The following NWD2 variants were observed in gnomAD, a reference collection of about 807,000 sequenced individuals.
The protein encoded by NWD2 is NACHT and WD repeat domain-containing protein 2.
A neutral mutation model predicts 132.7 loss-of-function variants in NWD2; 37 were observed. That is an observed-to-expected ratio of 0.28 (90% CI 0.21 to 0.37). The LOEUF (loss-of-function observed/expected upper bound fraction) is 0.37, where lower values mean the gene tolerates loss of function less well. NWD2 is among the 10% of genes least tolerant of loss of function. The pLI is 1.00. For synonymous variants in NWD2, 705 were observed against 803.0 expected, an observed-to-expected ratio of 0.88 and a Z score of 2.06; for missense variants, 1,592 against 2,122.4, an observed-to-expected ratio of 0.75 and a Z score of 4.91.
chr4:37,333,430 A>G (rs1298142557), intron 2 of NWD2, among the ~76,000 whole-genome samples: 1 of 152,218 alleles, frequency 6.6e-6, no homozygotes, highest in Non-Finnish European at 1.5e-5. Context: ...GAAGATAACA[A>G]GATCTCTGCC....
At chr4:37,397,656 G>A (rs1005144862) in intron 3 of NWD2, among the ~76,000 whole-genome samples, 4 of 152,112 alleles carry the variant, frequency 2.6e-5, no homozygotes, top group East Asian at 1.9e-4. Context: ...ATTCCCCAGC[G>A]TTCTCAGGTT....
chr4:37,335,433 T>C (rs939263781), intron 2 of NWD2, among the ~76,000 whole-genome samples: 1 of 152,128 alleles, frequency 6.6e-6, no homozygotes, highest in African/African-American at 2.4e-5. Flanking sequence ...ATGTCTTATT[T>C]GTTTTAATTA....
rs1445588940 is a variant in NWD2 at position 37,446,422 on chromosome 4, G to T, written c.4434G>T (p.Gly1478=). Residue 1478 remains glycine, a synonymous_variant, in exon 7 of 7, where the codon GGG becomes GGT. Coordinates refer to ENST00000309447, the MANE Select transcript of NWD2 (RefSeq NM_001144990.2). The surrounding 1 kb of genome is among the most constrained non-coding windows in gnomAD (Gnocchi z 6.7). The stretch of plus-strand genomic sequence containing the variant: ...CCAAGAAATTTTGCTGTGAAGATGG[G>T]ACCACCATCGTGAATTTTAAATTAA... The part of the protein sequence containing the change: ...SITKKFCCED[G]TTIVNFKLIP... 7 of 1,551,724 alleles carry T rather than the reference G, an allele frequency of 4.5e-6. No homozygotes were observed. Among genetic ancestry groups the T allele is most frequent in the African/African-American group, 1.4e-5 (1 of 73,144 alleles).
chr4:37,444,678 G>A lies in NWD2; in HGVS notation c.2690G>A (p.Arg897His), dbSNP rs760833228. 68 of 1,552,030 alleles carry A rather than the reference G, an allele frequency of 4.4e-5. No individual in the cohort carries two copies. Among genetic ancestry groups the A allele is most frequent in the Non-Finnish European group, 5.2e-5 (60 of 1,147,110 alleles). ...CTGAAGTTCCTGGCCAACACCCTCC[G>A]CAGCATCAAAAACAAGGTCACTGCA... ...KELKFLANTL[R>H]SIKNKVTAFP... Residue 897 changes from arginine (R) to histidine (H), a missense_variant, in exon 7 of 7, where the codon CGC (arginine) becomes CAC (histidine). By Grantham distance (29) the Arg-to-His change is conservative. Around this residue, in one of 7 missense-constraint regions of NWD2, gnomAD observed 1,071 missense variants for 1,398.0 expected, o/e 0.77. Coordinates refer to ENST00000309447, the MANE Select transcript of NWD2 (RefSeq NM_001144990.2). The surrounding 1 kb of genome is among the most constrained non-coding windows in gnomAD (Gnocchi z 4.8).
chr4:37,281,577 T>G (rs1428876706), intron 1 of NWD2, among the ~76,000 whole-genome samples: 2 of 152,064 alleles, frequency 1.3e-5, no homozygotes, highest in Non-Finnish European at 2.9e-5. Flanking sequence ...ATGTGTTAAA[T>G]CGTTCTTTCT....
At chr4:37,286,940 G>A (rs943234705) in intron 1 of NWD2, among the ~76,000 whole-genome samples, 10 of 152,200 alleles carry the variant, frequency 6.6e-5, no homozygotes, top group East Asian at 5.8e-4. Flanking sequence ...CATAACTAGC[G>A]TGTGAATCCT....
At chr4:37,300,677 A>G (rs1029741080) in intron 1 of NWD2, among the ~76,000 whole-genome samples, 7 of 152,122 alleles carry the variant, frequency 4.6e-5, no homozygotes, top group South Asian at 2.1e-4. Context: ...AGTTTCTTCA[A>G]TAGCATGCAT....
intron 4 of NWD2, among the ~76,000 whole-genome samples, chr4:37,432,721 A>G (rs1313363930): frequency 6.6e-6 from 1 of 152,202 alleles, no homozygotes; most frequent in Admixed American, 6.5e-5. Flanking sequence ...CAGTTCATTT[A>G]TATTCATGCA....
intron 3 of NWD2, among the ~76,000 whole-genome samples, chr4:37,406,320 T>C (rs1231884277): frequency 2.0e-5 from 3 of 151,958 alleles, no homozygotes; most frequent in African/African-American, 7.3e-5. Context: ...GTCACAGAGA[T>C]CTTTTGTGCT....
In NWD2 at chr4:37,447,456, A is replaced by C. The variant is rs1202892330; in HGVS notation, c.*239A>C. The C allele has an allele frequency of 2.3e-5, 12 of 529,222 alleles. No homozygotes were observed. Among genetic ancestry groups the C allele is most frequent in the Non-Finnish European group, 3.7e-5 (11 of 296,768 alleles). 32.8% of individuals were successfully genotyped at this position (529,222 alleles called of 1,614,324 possible). A position where few individuals can be genotyped will look rare whatever the true frequency, so the allele number is the denominator to read the frequency against. On this transcript the variant is annotated 3_prime_UTR_variant, in exon 7 of 7. Coordinates refer to ENST00000309447, the MANE Select transcript of NWD2 (RefSeq NM_001144990.2). ...ATATTTAAATGGTTACTTCATCTGAAAGGCAGAGGCTAAAAGTTTTTAAAT... is the reference window on the plus strand; with the variant it reads ...ATATTTAAATGGTTACTTCATCTGACAGGCAGAGGCTAAAAGTTTTTAAAT...
intron 1 of NWD2, among the ~76,000 whole-genome samples, chr4:37,296,598 C>G (rs575116888): frequency 3.4e-4 from 52 of 152,056 alleles, no homozygotes; most frequent in African/African-American, 1.1e-3. Context: ...GAGTAGAAAC[C>G]CAAAGATCGT....
At chr4:37,337,706 C>T (rs1438665013) in intron 2 of NWD2, among the ~76,000 whole-genome samples, 3 of 152,196 alleles carry the variant, frequency 2.0e-5, no homozygotes, top group Non-Finnish European at 2.9e-5. Flanking sequence ...AGAGTATAAC[C>T]TTCTCCTTAA....
intron 2 of NWD2, among the ~76,000 whole-genome samples, chr4:37,351,687 T>A (rs1381797458): frequency 6.6e-6 from 1 of 152,200 alleles, no homozygotes; most frequent in Non-Finnish European, 1.5e-5. Flanking sequence ...TCAGTTCTGC[T>A]CTGATCTTAG....
In NWD2 at chr4:37,434,070, A is replaced by G. The variant is rs541330523; in HGVS notation, c.706+50A>G. On this transcript the variant is annotated intron_variant, in intron 5 of 6. Transcript: ENST00000309447. ...AATAAGAAATATATCATTAATAGGT[A>G]CATCTACTGCTTCCCTTTAATGCCC... 6.7e-5 allele frequency: 83 copies of G among 1,242,638 alleles called. No individual in the cohort carries two copies. The African/African-American group carries it at 1.1e-3, about 17-fold the overall frequency. 77.0% of individuals were successfully genotyped at this position (1,242,638 alleles called of 1,614,324 possible). A position where few individuals can be genotyped will look rare whatever the true frequency, so the allele number is the denominator to read the frequency against.
chr4:37,386,369 T>C (rs1251655738), intron 3 of NWD2, among the ~76,000 whole-genome samples: 1 of 151,926 alleles, frequency 6.6e-6, no homozygotes, highest in Non-Finnish European at 1.5e-5. Flanking sequence ...AACATAGAAG[T>C]GTAGTGTGGT....
rs1712665229 is a variant in NWD2 at position 37,447,283 on chromosome 4, A to C, written c.*66A>C. ...ACAGAAGGGAAAAAAATGTGCCCCAAATGATAAACTATTCATTTATTAAAA... is the reference window on the plus strand; with the variant it reads ...ACAGAAGGGAAAAAAATGTGCCCCACATGATAAACTATTCATTTATTAAAA... On this transcript the variant is annotated 3_prime_UTR_variant, in exon 7 of 7. Coordinates refer to ENST00000309447, the MANE Select transcript of NWD2 (RefSeq NM_001144990.2). The C allele has an allele frequency of 8.4e-7, 1 of 1,192,264 alleles. No homozygotes were observed. The highest frequency in any genetic ancestry group is 1.5e-5 in the South Asian group (1 of 64,922). 73.9% of individuals were successfully genotyped at this position (1,192,264 alleles called of 1,614,324 possible).
At chr4:37,332,601 G>A (rs138707163) in intron 2 of NWD2, among the ~76,000 whole-genome samples, 12 of 152,250 alleles carry the variant, frequency 7.9e-5, no homozygotes, top group Admixed American at 4.6e-4. Context: ...GGCATTACTC[G>A]CCATGGGCCT....
intron 3 of NWD2, among the ~76,000 whole-genome samples, chr4:37,412,145 C>T (rs567164630): frequency 1.3e-5 from 2 of 152,194 alleles, no homozygotes; most frequent in African/African-American, 2.4e-5. Flanking sequence ...GGCAATGAGG[C>T]AAGAGAAAGA....
intron 3 of NWD2, among the ~76,000 whole-genome samples, chr4:37,393,558 T>G (rs1018127044): frequency 6.6e-6 from 1 of 152,170 alleles, no homozygotes; most frequent in Non-Finnish European, 1.5e-5. Context: ...TGGATGCAAC[T>G]ACTACCACAG....
Sources: allele counts gnomAD v4.1 joint callset (sites outside exome capture counted in the v4.1 genomes callset), GRCh38; gene constraint gnomAD v4.1.1; regional missense constraint gnomAD v4.1.1; non-coding constraint Gnocchi (gnomAD v3.1); transcripts MANE v1.5; gene names NCBI Gene and HGNC (gene_info 2026-07-23, HGNC 2026-07-21).